Variants in UBL3 observed in about 807,000 individuals in gnomAD.
UBL3 encodes ubiquitin like 3, also known as ubiquitin-like protein 3.
In UBL3, 6 loss-of-function variants were observed where a neutral mutation model predicts 18.4. The observed-to-expected ratio is 0.33, with a 90% CI of 0.18 to 0.64. UBL3 has a LOEUF of 0.64. Ranked by LOEUF, UBL3 falls within the 30% of genes least tolerant of loss-of-function variation. The pLI is 0.76. For synonymous variants in UBL3, 49 were observed against 46.6 expected (o/e 1.05, Z -0.21); for missense variants, 109 against 142.9 (o/e 0.76, Z 1.21).
At chr13:29,795,967 A>C (rs1327759380) in intron 1 of UBL3, among the ~76,000 whole-genome samples, 5 of 151,352 alleles carry the variant, frequency 3.3e-5, no homozygotes, top group Non-Finnish European at 7.4e-5. Context: ...AAGAATTTTA[A>C]GTTTTTCTTT....
intron 1 of UBL3, among the ~76,000 whole-genome samples, chr13:29,844,719 A>G (rs1879188785): frequency 6.6e-6 from 1 of 152,152 alleles, no homozygotes; most frequent in African/African-American, 2.4e-5. Context: ...GATGACTTAG[A>G]AAATCAAAGA....
intron 1 of UBL3, among the ~76,000 whole-genome samples, chr13:29,829,086 C>G (rs1030163556): frequency 2.0e-5 from 3 of 152,112 alleles, no homozygotes; most frequent in Admixed American, 6.5e-5. Flanking sequence ...TCTGCCCCTA[C>G]TAGGGGGTGC....
chr13:29,844,393 C>T (rs145999666), intron 1 of UBL3, among the ~76,000 whole-genome samples: 178 of 152,138 alleles, frequency 1.2e-3, no homozygotes, highest in African/African-American at 3.9e-3. Context: ...TATTAGGTGC[C>T]GAGGGTATTA....
rs756518692 is a variant in UBL3, at chr13:29,849,582, C to CA, written c.-45dup. On this transcript the variant is annotated 5_prime_UTR_variant, in exon 1 of 5. Transcript: ENST00000380680. ...CCCAGATGTTTACGAAAAAAACAAA[C>CA]AAAGAAAAAAGAGCAGAAGTCTTCA... 30 of 1,611,034 alleles carry CA rather than the reference C, an allele frequency of 1.9e-5. No individual in the cohort carries two copies. The highest frequency in any genetic ancestry group is 3.3e-5 in the Admixed American group (2 of 59,902).
chr13:29,797,137 T>A (rs866560283), intron 1 of UBL3, among the ~76,000 whole-genome samples: 1 of 152,226 alleles, frequency 6.6e-6, no homozygotes, highest in Non-Finnish European at 1.5e-5. Flanking sequence ...AAATTCTTAA[T>A]GTATTTTTCT....
chr13:29,776,764 G>C (rs1026466578), intron 2 of UBL3, among the ~76,000 whole-genome samples: 1 of 150,218 alleles, frequency 6.7e-6, no homozygotes, highest in African/African-American at 2.5e-5. Flanking sequence ...CCAGCTACTC[G>C]GGAGGCTGAG....
intron 1 of UBL3, among the ~76,000 whole-genome samples, chr13:29,822,224 AG>A (rs1408521315): frequency 2.0e-5 from 3 of 152,192 alleles, no homozygotes; most frequent in African/African-American, 7.2e-5. Flanking sequence ...AGCTGGTGAA[AG>A]GGGGAGTAAG....
intron 1 of UBL3, among the ~76,000 whole-genome samples, chr13:29,835,618 G>C (rs1231930184): frequency 6.6e-6 from 1 of 151,658 alleles, no homozygotes. Flanking sequence ...AGCTGGGTGC[G>C]GTGGTGCGTG....
intron 1 of UBL3, among the ~76,000 whole-genome samples, chr13:29,846,450 T>C (rs554566372): frequency 3.7e-4 from 56 of 152,210 alleles, no homozygotes; most frequent in African/African-American, 1.1e-3. Context: ...ATCCAAAAAA[T>C]TGACATTTGG....
intron 1 of UBL3, among the ~76,000 whole-genome samples, chr13:29,802,207 C>T (rs533255463): frequency 9.2e-5 from 14 of 152,218 alleles, no homozygotes; most frequent in Non-Finnish European, 1.9e-4. Context: ...TGCTAATACA[C>T]CCTGCTGTGA....
intron 1 of UBL3, among the ~76,000 whole-genome samples, chr13:29,807,387 C>T (rs1303940823): frequency 6.6e-6 from 1 of 152,132 alleles, no homozygotes; most frequent in South Asian, 2.1e-4. Flanking sequence ...GCATAAGAAT[C>T]GAGACTGCCA....
chr13:29,780,012 C>T (rs1414285955), intron 1 of UBL3, among the ~76,000 whole-genome samples: 1 of 152,054 alleles, frequency 6.6e-6, no homozygotes, highest in Non-Finnish European at 1.5e-5. Context: ...TGGTATTTTG[C>T]CTGTCTACTG....
At chr13:29,787,113 C>G (rs1400341497) in intron 1 of UBL3, among the ~76,000 whole-genome samples, 1 of 151,942 alleles carries the variant, frequency 6.6e-6, no homozygotes, top group Non-Finnish European at 1.5e-5. Flanking sequence ...AGCTGTTGGG[C>G]TATAGAGATG....
intron 1 of UBL3, among the ~76,000 whole-genome samples, chr13:29,797,103 T>C (rs1019995257): frequency 2.6e-5 from 4 of 152,178 alleles, no homozygotes; most frequent in African/African-American, 9.7e-5. Flanking sequence ...ATTGAAAACA[T>C]TATCAAACAG....
chr13:29,782,576 C>A (rs1877205055), intron 1 of UBL3, among the ~76,000 whole-genome samples: 1 of 152,124 alleles, frequency 6.6e-6, no homozygotes, highest in African/African-American at 2.4e-5. Context: ...CCTCCTTACT[C>A]CCCCTGGCCT....
chr13:29,777,780 T>C (rs984019286), intron 1 of UBL3, among the ~76,000 whole-genome samples: 3 of 152,222 alleles, frequency 2.0e-5, no homozygotes, highest in Non-Finnish European at 2.9e-5. Flanking sequence ...ATGTATGTTT[T>C]TTTGAGACAG....
intron 1 of UBL3, among the ~76,000 whole-genome samples, chr13:29,849,183 C>T (rs183232385): frequency 1.3e-3 from 203 of 152,316 alleles, no homozygotes; most frequent in African/African-American, 4.5e-3. Flanking sequence ...TGCCCACTGT[C>T]CCTGACGTTT....
intron 2 of UBL3, among the ~76,000 whole-genome samples, chr13:29,776,165 T>C (rs1035692018): frequency 4.6e-5 from 7 of 152,144 alleles, no homozygotes; most frequent in Admixed American, 2.6e-4. Flanking sequence ...ATAGTTGTTC[T>C]TTCCTCTTTG....
At chr13:29,805,016 C>T (rs1027582011) in intron 1 of UBL3, among the ~76,000 whole-genome samples, 3 of 152,112 alleles carry the variant, frequency 2.0e-5, no homozygotes, top group Non-Finnish European at 2.9e-5. Flanking sequence ...TTCTGTATCT[C>T]AGGTAACAGT....
Sources: gnomAD v4.1 joint callset for allele counts (sites outside exome capture counted in the v4.1 genomes callset) on GRCh38, gnomAD v4.1.1 for gene constraint, MANE v1.5 for transcripts, NCBI Gene and HGNC (gene_info 2026-07-23, HGNC 2026-07-21) for gene names.